Variants in AP4S1 observed in about 807,000 individuals in gnomAD.
AP4S1 encodes the protein adaptor related protein complex 4 subunit sigma 1.
A neutral mutation model predicts 19.8 loss-of-function variants in AP4S1; 23 were observed. The ratio of observed to expected loss-of-function variants is 1.16; its 90% CI spans 0.84 to 1.65. The LOEUF is 1.65. Ranked by LOEUF, AP4S1 falls within the 40% of genes most tolerant of loss-of-function variation. The probability of loss-of-function intolerance (pLI) is 0.00; values close to 1 mark genes in which losing one functional copy is unlikely to be tolerated. For synonymous variants in AP4S1, 46 were observed against 54.1 expected (o/e 0.85, Z 0.66); for missense variants, 166 against 172.8 (o/e 0.96, Z 0.22).
At chr14:31,059,959 GTATATA>G in intron 1 of AP4S1, among the ~76,000 whole-genome samples, 1 of 119,752 alleles carries the variant, frequency 8.4e-6, no homozygotes, top group Non-Finnish European at 1.8e-5. Flanking sequence ...ATTTATTTAT[GTATATA>G]TATGTATTTA....
intron 5 of AP4S1, among the ~76,000 whole-genome samples, chr14:31,088,807 CAAA>C (rs1283476951): frequency 3.1e-4 from 11 of 35,348 alleles, no homozygotes; most frequent in African/African-American, 6.5e-4. Context: ...GACTCCATCT[CAAA>C]AAAAAAAAAA....
chr14:31,026,247 G>A (rs179742), intron 1 of AP4S1: 2 of 1,362,418 alleles, frequency 1.5e-6, no homozygotes, highest in Non-Finnish European at 1.9e-6. Context: ...AAGGGCCGGA[G>A]AGGGTGGCCC....
At chr14:31,071,821 C>T (rs1043607541) in intron 3 of AP4S1, among the ~76,000 whole-genome samples, 4 of 152,062 alleles carry the variant, frequency 2.6e-5, no homozygotes, top group Non-Finnish European at 5.9e-5. Context: ...GTGATCCTTC[C>T]ACCTCAGCCT....
intron 1 of AP4S1, among the ~76,000 whole-genome samples, chr14:31,049,140 G>A (rs544246575): frequency 3.1e-4 from 47 of 151,696 alleles, no homozygotes; most frequent in Admixed American, 2.5e-3. Context: ...CATGCCGGGC[G>A]TGGTGGCTCA....
At position 31,025,674 on chromosome 14, in the gene AP4S1, A is replaced by G. The variant is rs1883808960; in HGVS notation, c.-185A>G. 1 of 653,266 alleles carries G rather than the reference A, an allele frequency of 1.5e-6. No homozygotes were observed. Among genetic ancestry groups the G allele is most frequent in the Non-Finnish European group, 2.5e-6 (1 of 400,802 alleles). The allele number at this position is 653,266 out of a possible 1,614,324, so 40.5% of individuals were successfully genotyped here. Reference sequence around the variant, plus strand: ...ACTAAAAGCCAAAATGGCTGCCCCGAGGAGGCCCGCACCGCGTAGCCAGTG... The same window carrying G: ...ACTAAAAGCCAAAATGGCTGCCCCGGGGAGGCCCGCACCGCGTAGCCAGTG... On this transcript the variant is annotated 5_prime_UTR_variant, in exon 1 of 6. Coordinates refer to ENST00000542754, the MANE Select transcript of AP4S1 (RefSeq NM_001128126.3).
At chr14:31,056,595 G>C (rs190177061) in intron 1 of AP4S1, among the ~76,000 whole-genome samples, 1 of 152,228 alleles carries the variant, frequency 6.6e-6, no homozygotes, top group Admixed American at 6.5e-5. Context: ...CTGACCTCAG[G>C]TTATCCGCCC....
At chr14:31,029,926 C>T (rs1884289662) in intron 1 of AP4S1, among the ~76,000 whole-genome samples, 2 of 150,966 alleles carry the variant, frequency 1.3e-5, no homozygotes, top group African/African-American at 4.9e-5. Context: ...TCTTTTGACT[C>T]ACTATTCTAT....
In AP4S1 at chr14:31,084,976, C is replaced by T. The variant is rs1887857272; in HGVS notation, c.306+4392C>T. The stretch of plus-strand genomic sequence containing the variant: ...CGTACCTGCTCTACGCGTGAAGGTA[C>T]AGAAAACCTCCACGGCCTTTTCAGT... On this transcript the variant is annotated intron_variant, in intron 5 of 5. Coordinates refer to ENST00000542754, the MANE Select transcript of AP4S1 (RefSeq NM_001128126.3). 4 of 1,582,814 alleles carry T rather than the reference C, an allele frequency of 2.5e-6. No homozygotes were observed. The South Asian group carries it at 4.6e-5, about 18-fold the overall frequency.
intron 4 of AP4S1, chr14:31,073,236 A>AT (rs1363647346): frequency 2.6e-6 from 1 of 380,648 alleles, no homozygotes; most frequent in African/African-American, 2.1e-5. Flanking sequence ...CACGCCTGTA[A>AT]TCCCAGCACT....
chr14:31,032,227 C>G (rs1197295249), intron 1 of AP4S1, among the ~76,000 whole-genome samples: 1 of 152,102 alleles, frequency 6.6e-6, no homozygotes, highest in African/African-American at 2.4e-5. Context: ...ACTAAAAACA[C>G]AAAAAATTAG....
intron 1 of AP4S1, among the ~76,000 whole-genome samples, chr14:31,040,668 C>G (rs945762529): frequency 6.6e-6 from 1 of 151,762 alleles, no homozygotes; most frequent in Non-Finnish European, 1.5e-5. Context: ...TATTAATTTT[C>G]GAGACTATCA....
chr14:31,033,114 G>A (rs1273768642), intron 1 of AP4S1: 1 of 152,072 alleles, frequency 6.6e-6, no homozygotes, highest in African/African-American at 2.4e-5. Context: ...TCCTATCAAT[G>A]GGTTCATTAT....
intron 1 of AP4S1, chr14:31,027,043 T>A (rs1202841776): frequency 6.6e-6 from 1 of 151,582 alleles, no homozygotes; most frequent in Non-Finnish European, 1.5e-5. Flanking sequence ...TTCTATGCGC[T>A]CGGTCGCCCG....
At chr14:31,035,822 T>C (rs371362880) in intron 1 of AP4S1, among the ~76,000 whole-genome samples, 7 of 147,636 alleles carry the variant, frequency 4.7e-5, no homozygotes, top group East Asian at 4.0e-4. Flanking sequence ...TTCCGCCTCC[T>C]GGGTTCACTC....
At chr14:31,084,805 C>G in intron 5 of AP4S1, 1 of 1,614,168 alleles carries the variant, frequency 6.2e-7, no homozygotes, top group Non-Finnish European at 8.5e-7. Flanking sequence ...ATGCTCAGCC[C>G]TGGAGCCCCA....
chr14:31,076,914 C>T (rs892181417), intron 4 of AP4S1, among the ~76,000 whole-genome samples: 4 of 152,064 alleles, frequency 2.6e-5, no homozygotes, highest in African/African-American at 4.8e-5. Context: ...GAAGTAGCAG[C>T]GGCACAAGCT....
chr14:31,037,970 A>G (rs1460652072), intron 1 of AP4S1, among the ~76,000 whole-genome samples: 2 of 152,190 alleles, frequency 1.3e-5, no homozygotes, highest in African/African-American at 4.8e-5. Context: ...ACAAAGCAAA[A>G]TTCATATTTA....
At chr14:31,068,475 G>A (rs1443589222) in intron 2 of AP4S1, among the ~76,000 whole-genome samples, 1 of 152,122 alleles carries the variant, frequency 6.6e-6, no homozygotes, top group Non-Finnish European at 1.5e-5. Context: ...TTACTACTTT[G>A]GCCTGCCATG....
At chr14:31,078,480 G>A (rs1454653942) in intron 4 of AP4S1, among the ~76,000 whole-genome samples, 3 of 152,048 alleles carry the variant, frequency 2.0e-5, no homozygotes, top group African/African-American at 4.8e-5. Context: ...CCACTCTCTT[G>A]TTTAGACAGA....
Sources: allele counts gnomAD v4.1 joint callset (sites outside exome capture counted in the v4.1 genomes callset), GRCh38; gene constraint gnomAD v4.1.1; transcripts MANE v1.5; gene names NCBI Gene and HGNC (gene_info 2026-07-23, HGNC 2026-07-21).